The following CPSF1 variants were observed in gnomAD, a reference collection of about 807,000 sequenced individuals.
The protein encoded by CPSF1 is cleavage and polyadenylation specific factor 1, also known as cleavage and polyadenylation specificity factor subunit 1.
CPSF1 carries 106 observed loss-of-function variants against 175.8 expected under a neutral mutation model. That is an observed-to-expected ratio of 0.60 (90% CI 0.52 to 0.71). CPSF1 has a LOEUF of 0.71. Ranked by LOEUF, CPSF1 falls within the 30% of genes least tolerant of loss-of-function variation. The pLI is 0.00. For missense variants in CPSF1, 1,734 were observed against 2,022.9 expected (o/e 0.86, Z 2.74); for synonymous variants, 1,024 against 858.3 (o/e 1.19, Z -3.37).
Position 144,397,533 on chromosome 8 carries a change from T to G in CPSF1, c.2339A>C (p.Glu780Ala). 1.9e-6 allele frequency: 3 copies of G among 1,575,532 alleles called. No individual in the cohort carries two copies. Among genetic ancestry groups the G allele is most frequent in the Non-Finnish European group, 2.6e-6 (3 of 1,155,586 alleles). The stretch of plus-strand genomic sequence containing the variant: ...CACCAGCAGGCACCAGTGGGTAGGC[T>G]CTGCCCGGAAGGGTGCAGGGTCCCG... ...ADRDPAPFRA[E>A]PTHWCLLVRE... The change falls in exon 22 of 38, where the codon GAG (glutamate) becomes GCG (alanine). Residue 780 changes from glutamate (E) to alanine (A), a missense_variant. Glu to Ala is a moderately radical substitution (Grantham distance 107). This residue lies in a region of CPSF1 where 585 missense variants were observed against 584.7 expected (regional missense o/e 1.00). Coordinates refer to ENST00000616140, the MANE Select transcript of CPSF1 (RefSeq NM_013291.3).
rs781916995 is a variant in CPSF1 at position 144,401,505 on chromosome 8, G to C, written c.231C>G (p.Asn77Lys). The C allele has an allele frequency of 6.2e-7, 1 of 1,614,028 alleles. No individual in the cohort carries two copies. Among genetic ancestry groups the C allele is most frequent in the Non-Finnish European group, 8.5e-7 (1 of 1,179,988 alleles). The change falls in exon 4 of 38, where the codon AAC (asparagine) becomes AAG (lysine). Residue 77 changes from asparagine to lysine, a missense_variant. This residue lies in a region of CPSF1 where 126 missense variants were observed against 117.9 expected (regional missense o/e 1.07). Transcript: ENST00000616140. Reference sequence around the variant, plus strand: ...GCTGCACGCTGGCCATGGACATGACGTTGCCAAAGAAGGAGAAGGAGGCAG... The same window carrying C: ...GCTGCACGCTGGCCATGGACATGACCTTGCCAAAGAAGGAGAAGGAGGCAG... ...ELAASFSFFGNVMSMASVQLA... is the reference protein window; with the variant it reads ...ELAASFSFFGKVMSMASVQLA...
Position 144,398,656 on chromosome 8 carries a change from G to C in CPSF1, c.1639-18C>G, listed in dbSNP as rs2116853271. 6.2e-7 allele frequency: 1 copy of C among 1,612,918 alleles called. No homozygotes were observed. The highest frequency in any genetic ancestry group is 8.5e-7 in the Non-Finnish European group (1 of 1,179,384). ...TTGTCCTCCTGTCAGGGCCAAAGGGGGGCAGGCTGGAAGCCACAGTCCAGT... is the reference window on the plus strand; with the variant it reads ...TTGTCCTCCTGTCAGGGCCAAAGGGCGGCAGGCTGGAAGCCACAGTCCAGT... On this transcript the variant is annotated intron_variant, in intron 17 of 37. Coordinates refer to ENST00000616140, the MANE Select transcript of CPSF1 (RefSeq NM_013291.3).
intron 19 of CPSF1, 77 bp downstream of exon 19, chr8:144,398,225 C>T (rs1325176210): frequency 1.4e-5 from 15 of 1,102,964 alleles, no homozygotes; most frequent in Non-Finnish European, 1.7e-5. Context: ...GCCCAACCAC[C>T]TCCCCCCCAC....
rs2116885495 is a variant in CPSF1 at position 144,401,541 on chromosome 8, C to A, written c.195G>T (p.Lys65Asn). 1.2e-6 allele frequency: 2 copies of A among 1,613,750 alleles called. No homozygotes were observed. The change falls in exon 4 of 38, where the codon AAG (lysine) becomes AAT (asparagine). Residue 65 changes from lysine (K) to asparagine (N), a missense_variant. Physicochemically the swap from Lys to Asn is moderately conservative, Grantham distance 94. Around this residue, in one of 10 missense-constraint regions of CPSF1, gnomAD observed 126 missense variants for 117.9 expected, o/e 1.07. Coordinates refer to ENST00000616140, the MANE Select transcript of CPSF1 (RefSeq NM_013291.3). Reference protein sequence around the residue: ...RSTEGKAHREKLELAASFSFF... With the variant: ...RSTEGKAHRENLELAASFSFF... ...AGGAGAAGGAGGCAGCAAGCTCGAG[C>A]TTCTCCCGGTGGGCCTTCCCCTCTA...
chr8:144,408,350 A>G (rs2116910795), intron 2 of CPSF1, among the ~76,000 whole-genome samples: 2 of 152,226 alleles, frequency 1.3e-5, no homozygotes, highest in South Asian at 4.1e-4. Context: ...CCTCCCTTCA[A>G]GAGCAATGGA....
chr8:144,393,380 A>C lies in CPSF1; in HGVS notation c.4285-15T>G, dbSNP rs1245839688. 6.0e-6 allele frequency: 3 copies of C among 498,712 alleles called. No homozygotes were observed. The highest frequency in any genetic ancestry group is 9.0e-6 in the Non-Finnish European group (3 of 332,418). 30.9% of individuals were successfully genotyped at this position (498,712 alleles called of 1,614,324 possible). A position where few individuals can be genotyped will look rare whatever the true frequency, so the allele number is the denominator to read the frequency against. On this transcript the variant is annotated splice_polypyrimidine_tract_variant and intron_variant, in intron 37 of 37. Coordinates refer to ENST00000616140, the MANE Select transcript of CPSF1 (RefSeq NM_013291.3). ...TCGTCCAGGATCTGCAGGGGATGGAAGGGTGGGTGGGTGGGTGGGTGGGGA... is the reference window on the plus strand; with the variant it reads ...TCGTCCAGGATCTGCAGGGGATGGACGGGTGGGTGGGTGGGTGGGTGGGGA...
At position 144,399,469 on chromosome 8, in the gene CPSF1, G is replaced by T. The variant is rs782187045; in HGVS notation, c.1277C>A (p.Ala426Glu). ...EPPSKKKRVDATAGWSAAGKS... is the reference protein window; with the variant it reads ...EPPSKKKRVDETAGWSAAGKS... The stretch of plus-strand genomic sequence containing the variant: ...GCCCTCACCTGACCAGCCGGCCGTC[G>T]CATCCACTCGCTTCTTCTTTGAGGG... Residue 426 changes from alanine (A) to glutamate (E), a missense_variant, in exon 13 of 38, where the codon GCG (alanine) becomes GAG (glutamate). Around this residue, in one of 10 missense-constraint regions of CPSF1, gnomAD observed 162 missense variants for 169.5 expected, o/e 0.96. Transcript: ENST00000616140. This position sits in a 1 kb window ranked among gnomAD's most constrained non-coding sequence, Gnocchi z 6.4. 2 of 1,612,970 alleles carry T rather than the reference G, an allele frequency of 1.2e-6. No homozygotes were observed. Among genetic ancestry groups the T allele is most frequent in the Non-Finnish European group, 1.7e-6 (2 of 1,179,946 alleles).
chr8:144,399,483 C>G lies in CPSF1; in HGVS notation c.1263G>C (p.Lys421Asn). Reference protein sequence around the residue: ...AADKEEPPSKKKRVDATAGWS... With the variant: ...AADKEEPPSKNKRVDATAGWS... Reference sequence around the variant, plus strand: ...AGCCGGCCGTCGCATCCACTCGCTTCTTCTTTGAGGGAGGCTCTTCCTGTG... The same window carrying G: ...AGCCGGCCGTCGCATCCACTCGCTTGTTCTTTGAGGGAGGCTCTTCCTGTG... Residue 421 changes from lysine (K) to asparagine (N), a missense_variant, in exon 13 of 38, where the codon AAG becomes AAC. Lys to Asn is a moderately conservative substitution (Grantham distance 94). Coordinates refer to ENST00000616140, the MANE Select transcript of CPSF1 (RefSeq NM_013291.3). This position sits in a 1 kb window ranked among gnomAD's most constrained non-coding sequence, Gnocchi z 6.4. 6.2e-7 allele frequency: 1 copy of G among 1,613,084 alleles called. No homozygotes were observed. The highest frequency in any genetic ancestry group is 8.5e-7 in the Non-Finnish European group (1 of 1,179,944).
In CPSF1 at chr8:144,397,741, A is replaced by T; in HGVS notation, c.2210+2T>A. 1 of 1,600,500 alleles carries T rather than the reference A, an allele frequency of 6.2e-7. No individual in the cohort carries two copies. Among genetic ancestry groups the T allele is most frequent in the Non-Finnish European group, 8.5e-7 (1 of 1,170,648 alleles). On this transcript the variant is annotated splice_donor_variant, in intron 21 of 37. Coordinates refer to ENST00000616140, the MANE Select transcript of CPSF1 (RefSeq NM_013291.3). LOFTEE classifies it high-confidence loss of function. Reference sequence around the variant, plus strand: ...CTACCTGCGCCCCCAGCCCCCACGCACCTAGTCTCTGAGCCCAGGCCCTCG... The same window carrying T: ...CTACCTGCGCCCCCAGCCCCCACGCTCCTAGTCTCTGAGCCCAGGCCCTCG...
At position 144,393,435 on chromosome 8, in the gene CPSF1, G is replaced by A. The variant is rs1586605362; in HGVS notation, c.4284+17C>T. Reference sequence around the variant, plus strand: ...CACGGAGGGGCGGGGCGCGCGGGGGGCGGGGCGCGCACTCACTATGTCTGG... The same window carrying A: ...CACGGAGGGGCGGGGCGCGCGGGGGACGGGGCGCGCACTCACTATGTCTGG... On this transcript the variant is annotated intron_variant, in intron 37 of 37. Coordinates refer to ENST00000616140, the MANE Select transcript of CPSF1 (RefSeq NM_013291.3). 6 of 1,536,938 alleles carry A rather than the reference G, an allele frequency of 3.9e-6. No individual in the cohort carries two copies. The highest frequency in any genetic ancestry group is 2.5e-5 in the East Asian group (1 of 40,654).
In CPSF1 at chr8:144,399,908, TG is replaced by T. The variant is rs1554865804; in HGVS notation, c.1032-41del. ...AATTCTGAGTCGGGGATGGGGACCC[TG>T]GGGGAGTGAAGGGGGCCAGGGGACC... is the stretch of plus-strand genomic sequence containing the variant. On this transcript the variant is annotated intron_variant, in intron 10 of 37. Coordinates refer to ENST00000616140, the MANE Select transcript of CPSF1 (RefSeq NM_013291.3). The surrounding 1 kb of genome is among the most constrained non-coding windows in gnomAD (Gnocchi z 6.4). 1 of 1,313,718 alleles carries T rather than the reference TG, an allele frequency of 7.6e-7. No homozygotes were observed. The highest frequency in any genetic ancestry group is 2.7e-5 in the African/African-American group (1 of 37,216). The allele number at this position is 1,313,718 out of a possible 1,614,324, so 81.4% of individuals were successfully genotyped here. A position where few individuals can be genotyped will look rare whatever the true frequency, so the allele number is the denominator to read the frequency against.
Position 144,393,873 on chromosome 8 carries a change from C to T in CPSF1, c.4015+10G>A. The T allele has an allele frequency of 6.2e-7, 1 of 1,606,966 alleles. No homozygotes were observed. The highest frequency in any genetic ancestry group is 8.5e-7 in the Non-Finnish European group (1 of 1,177,344). On this transcript the variant is annotated intron_variant, in intron 35 of 37. Coordinates refer to ENST00000616140, the MANE Select transcript of CPSF1 (RefSeq NM_013291.3). Reference sequence around the variant, plus strand: ...CCCCCACCCAGACACACCTGCTCCCCCACACTCACCAAACCACGTGATGTG... The same window carrying T: ...CCCCCACCCAGACACACCTGCTCCCTCACACTCACCAAACCACGTGATGTG...
rs1444508300 is a variant in CPSF1 at position 144,396,850 on chromosome 8, C to T, written c.2672G>A (p.Arg891His). ...TCCAGCCACTGGCACCTTCTTAAAG[C>T]GGACTTTGAGATTGCCCTGGCCGAG... ...SQLGQGNLKV[R>H]FKKVPHNINF... Residue 891 changes from arginine to histidine, a missense_variant, in exon 24 of 38, where the codon CGC becomes CAC. By Grantham distance (29) the Arg-to-His change is conservative (BLOSUM62 0). Transcript: ENST00000616140. 1.9e-6 allele frequency: 3 copies of T among 1,613,980 alleles called. No individual in the cohort carries two copies. The highest frequency in any genetic ancestry group is 2.5e-6 in the Non-Finnish European group (3 of 1,179,930).
rs1284326597 is a variant in CPSF1 at position 144,393,875 on chromosome 8, A to C, written c.4015+8T>G. On this transcript the variant is annotated splice_region_variant and intron_variant, in intron 35 of 37. Coordinates refer to ENST00000616140, the MANE Select transcript of CPSF1 (RefSeq NM_013291.3). ...CCCACCCAGACACACCTGCTCCCCC[A>C]CACTCACCAAACCACGTGATGTGCT... is the stretch of plus-strand genomic sequence containing the variant. 9 of 1,606,868 alleles carry C rather than the reference A, an allele frequency of 5.6e-6. No individual in the cohort carries two copies. The African/African-American group carries it at 8.1e-5, about 14-fold the overall frequency.
rs782019510 is a variant in CPSF1, at chr8:144,393,803, G to C, written c.4016-7C>G. 5.0e-6 allele frequency: 8 copies of C among 1,600,344 alleles called. No individual in the cohort carries two copies. Among genetic ancestry groups the C allele is most frequent in the Middle Eastern group, 1.7e-4 (1 of 6,050 alleles). ...ATGCCGCCGTCCAGGGTGGCTGGCA[G>C]GGGTAGGGTGAGGGTTTTGGTGTGA... On this transcript the variant is annotated splice_region_variant and splice_polypyrimidine_tract_variant and intron_variant, in intron 35 of 37. Coordinates refer to ENST00000616140, the MANE Select transcript of CPSF1 (RefSeq NM_013291.3).
chr8:144,400,148 C>T lies in CPSF1; in HGVS notation c.937+18G>A. On this transcript the variant is annotated intron_variant, in intron 9 of 37. Coordinates refer to ENST00000616140, the MANE Select transcript of CPSF1 (RefSeq NM_013291.3). Reference sequence around the variant, plus strand: ...AGCCGTCCCCGGGCCCCCCCCGCCCCAGCCACCCCACACTCACGAAGCGGG... The same window carrying T: ...AGCCGTCCCCGGGCCCCCCCCGCCCTAGCCACCCCACACTCACGAAGCGGG... 7.2e-7 allele frequency: 1 copy of T among 1,390,246 alleles called. No homozygotes were observed. Among genetic ancestry groups the T allele is most frequent in the Non-Finnish European group, 9.8e-7 (1 of 1,024,988 alleles). The allele number at this position is 1,390,246 out of a possible 1,614,324, so 86.1% of individuals were successfully genotyped here.
Position 144,401,651 on chromosome 8 carries a change from C to G in CPSF1, c.167G>C (p.Ser56Thr). The G allele has an allele frequency of 6.2e-7, 1 of 1,610,866 alleles. No homozygotes were observed. Among genetic ancestry groups the G allele is most frequent in the Non-Finnish European group, 8.5e-7 (1 of 1,178,672 alleles). Residue 56 changes from serine to threonine, a missense_variant, in exon 3 of 38, where the codon AGC becomes ACC. Transcript: ENST00000616140. Reference sequence around the variant, plus strand: ...GGCCGCCCCACCACACTCACCTGTGCTCCTGTCATTCTTGGTCAGAGCCTG... The same window carrying G: ...GGCCGCCCCACCACACTCACCTGTGGTCCTGTCATTCTTGGTCAGAGCCTG... ...DAEALTKNDR[S>T]TEGKAHREKL... is the part of the protein sequence containing the mutation.
rs782242354 is a variant in CPSF1, at chr8:144,393,785, C to G, written c.4027G>C (p.Gly1343Arg). Residue 1343 changes from glycine (G) to arginine (R), a missense_variant, in exon 36 of 38, where the codon GGC becomes CGC. Around this residue, in one of 10 missense-constraint regions of CPSF1, gnomAD observed 323 missense variants for 338.5 expected, o/e 0.95. Coordinates refer to ENST00000616140, the MANE Select transcript of CPSF1 (RefSeq NM_013291.3). ...KHITWFATLD[G>R]GIGLLLPMQE... ...ATGGGCAGCAGCAGCCCGATGCCGC[C>G]GTCCAGGGTGGCTGGCAGGGGTAGG... 2 of 1,598,264 alleles carry G rather than the reference C, an allele frequency of 1.3e-6. No individual in the cohort carries two copies. The highest frequency in any genetic ancestry group is 2.7e-5 in the African/African-American group (2 of 74,848).
rs2116862422 is a variant in CPSF1, at chr8:144,399,421, C to T, written c.1294+31G>A. ...AGCGCAGCCCTGGGTCACCTGGCCC[C>T]GCTCCTGACCAGCCCTGGACCGGCC... On this transcript the variant is annotated intron_variant, in intron 13 of 37. Transcript: ENST00000616140. This position sits in a 1 kb window ranked among gnomAD's most constrained non-coding sequence, Gnocchi z 6.4. 4.2e-5 allele frequency: 67 copies of T among 1,612,662 alleles called. No individual in the cohort carries two copies. Among genetic ancestry groups the T allele is most frequent in the South Asian group, 6.6e-5 (6 of 91,044 alleles).
Sources: gnomAD v4.1 joint callset for allele counts (sites outside exome capture counted in the v4.1 genomes callset) on GRCh38, gnomAD v4.1.1 for gene constraint, gnomAD v4.1.1 regional missense constraint, Gnocchi (gnomAD v3.1) non-coding constraint, MANE v1.5 for transcripts, NCBI Gene and HGNC (gene_info 2026-07-23, HGNC 2026-07-21) for gene names.